NRXN1: variants seen among roughly 807,000 people sequenced by gnomAD.
NRXN1 encodes neurexin 1, also known as neurexin-1.
NRXN1 carries 39 observed loss-of-function variants against 150.9 expected under a neutral mutation model. The observed-to-expected ratio is 0.26, with a 90% confidence interval of 0.20 to 0.34. NRXN1 has a LOEUF of 0.34. NRXN1 is among the 10% of genes least tolerant of loss of function. The probability of loss-of-function intolerance (pLI) is 1.00; values close to 1 mark genes in which losing one functional copy is unlikely to be tolerated. For missense variants in NRXN1, 1,815 were observed against 1,949.9 expected (o/e 0.93, Z 1.30); for synonymous variants, 924 against 757.0 (o/e 1.22, Z -3.62).
intron 21 of NRXN1, among the ~76,000 whole-genome samples, chr2:49,976,010 C>A (rs912730221): frequency 7.3e-6 from 1 of 137,318 alleles, no homozygotes; most frequent in Non-Finnish European, 1.5e-5. Flanking sequence ...ATTGCATATG[C>A]GGAAGAATTT....
At position 50,926,552 on chromosome 2, in the gene NRXN1, T is replaced by G. The variant is rs150328967; in HGVS notation, c.773-597A>C. Among the ~76,000 whole-genome samples, 1,283 of 152,090 alleles carry G rather than the reference T, an allele frequency of 8.4e-3. 15 individuals are homozygous for G. Among genetic ancestry groups the G allele is most frequent in the Admixed American group, 0.015 (225 of 15,246 alleles). On this transcript the variant is annotated intron_variant, in intron 2 of 22. Transcript: ENST00000401669. ...AATTTATAGCATATTAATATTGTAT[T>G]GCAAATGAGAATAGTTTATTGGAAT...
chr2:50,965,617 TC>T (rs1473522181), intron 2 of NRXN1, among the ~76,000 whole-genome samples: 11 of 151,560 alleles, frequency 7.3e-5, no homozygotes, highest in African/African-American at 2.7e-4. Flanking sequence ...TTTTGCTTTT[TC>T]TATAATTTCA....
chr2:50,314,491 G>C (rs1317052580), intron 17 of NRXN1, among the ~76,000 whole-genome samples: 1 of 151,494 alleles, frequency 6.6e-6, no homozygotes, highest in African/African-American at 2.4e-5. Context: ...CACTCAAAAG[G>C]CCAGAAGAGC....
At position 49,975,098 on chromosome 2, in the gene NRXN1, A is replaced by G. The variant is rs115241997; in HGVS notation, c.4129-31307T>C. 9.9e-3 allele frequency among the ~76,000 whole-genome samples: 1,486 copies of G among 150,352 alleles called. 24 individuals are homozygous for G. Among genetic ancestry groups the G allele is most frequent in the African/African-American group, 0.034 (1,403 of 41,190 alleles). ...GTGAGATGATTATATATAGTTATAT[A>G]TACATATACATACAATTATATATTA... On this transcript the variant is annotated intron_variant, in intron 21 of 22. Coordinates refer to ENST00000401669, the MANE Select transcript of NRXN1 (RefSeq NM_001330078.2).
intron 17 of NRXN1, among the ~76,000 whole-genome samples, chr2:50,247,182 TTCTGATAAGAAAAA>T (rs2066579655): frequency 5.3e-5 from 8 of 152,092 alleles, no homozygotes; most frequent in African/African-American, 1.9e-4. Context: ...GCCTAAATTA[TTCTGATAAGAAAAA>T]ACATGGTCGA....
At chr2:50,757,327 G>C (rs1243616105) in intron 5 of NRXN1, among the ~76,000 whole-genome samples, 8 of 151,710 alleles carry the variant, frequency 5.3e-5, no homozygotes, top group Non-Finnish European at 7.4e-5. Context: ...TAAGAGTGTA[G>C]GAAACAAAGA....
At chr2:50,811,857 A>G (rs2105767110) in intron 5 of NRXN1, among the ~76,000 whole-genome samples, 1 of 152,306 alleles carries the variant, frequency 6.6e-6, no homozygotes, top group South Asian at 2.1e-4. Flanking sequence ...ACAATTCCAA[A>G]AAGAATCTGT....
intron 9 of NRXN1, chr2:50,548,340 G>C (rs1346041363): frequency 6.6e-6 from 1 of 152,094 alleles, no homozygotes; most frequent in Non-Finnish European, 1.5e-5. Flanking sequence ...TTTCTCAGTG[G>C]CTTATTTCAA....
At chr2:50,226,599 A>G (rs1174239803) in intron 18 of NRXN1, among the ~76,000 whole-genome samples, 2 of 151,976 alleles carry the variant, frequency 1.3e-5, no homozygotes. Context: ...GGAGTAGCTG[A>G]AGATGAGGCT....
In NRXN1 at chr2:50,777,692, T is replaced by C. The variant is rs915766968; in HGVS notation, c.832+144177A>G. Among the ~76,000 whole-genome samples the C allele has an allele frequency of 2.0e-5, 3 of 152,142 alleles. No individual in the cohort carries two copies. In the East Asian group the frequency reaches 5.8e-4, roughly 29 times the overall value. On this transcript the variant is annotated intron_variant, in intron 5 of 22. Coordinates refer to ENST00000401669, the MANE Select transcript of NRXN1 (RefSeq NM_001330078.2). ...CCATTGAGTAAAATATAAAAGAAAATACTGCACATCATCTAAATATCCTAA... is the reference window on the plus strand; with the variant it reads ...CCATTGAGTAAAATATAAAAGAAAACACTGCACATCATCTAAATATCCTAA...
chr2:50,649,022 T>C (rs2104540275), intron 5 of NRXN1, among the ~76,000 whole-genome samples: 1 of 152,086 alleles, frequency 6.6e-6, no homozygotes, highest in South Asian at 2.1e-4. Context: ...CAGATCCTAA[T>C]AGCTCTGAGC....
chr2:50,760,830 G>A (rs1423238229), intron 5 of NRXN1, among the ~76,000 whole-genome samples: 1 of 151,880 alleles, frequency 6.6e-6, no homozygotes, highest in Non-Finnish European at 1.5e-5. Flanking sequence ...GTAATGTGAT[G>A]AGTCCTTCCA....
At chr2:50,940,615 T>C (rs189177838) in intron 2 of NRXN1, among the ~76,000 whole-genome samples, 169 of 152,256 alleles carry the variant, frequency 1.1e-3, no homozygotes, top group African/African-American at 4.0e-3. Flanking sequence ...AGAAGCAGAC[T>C]TCAGATAACA....
At chr2:51,003,649 G>C (rs1352127762) in intron 2 of NRXN1, among the ~76,000 whole-genome samples, 1 of 151,970 alleles carries the variant, frequency 6.6e-6, no homozygotes, top group African/African-American at 2.4e-5. Flanking sequence ...CATGTATGTA[G>C]CTTATTTGCC....
intron 17 of NRXN1, among the ~76,000 whole-genome samples, chr2:50,416,671 G>A (rs896572855): frequency 1.3e-5 from 2 of 152,036 alleles, no homozygotes; most frequent in African/African-American, 2.4e-5. Flanking sequence ...AGGCAGAAGG[G>A]GAAGCAAACA....
chr2:50,759,628 T>A (rs1701562182), intron 5 of NRXN1, among the ~76,000 whole-genome samples: 1 of 151,916 alleles, frequency 6.6e-6, no homozygotes, highest in African/African-American at 2.4e-5. Context: ...ATTAAAGGGC[T>A]GATATGTCAG....
chr2:50,248,215 A>G (rs1375522732), intron 17 of NRXN1, among the ~76,000 whole-genome samples: 2 of 152,160 alleles, frequency 1.3e-5, no homozygotes, highest in East Asian at 3.9e-4. Flanking sequence ...AGGTCTCACT[A>G]TGTTTCCCAG....
chr2:50,994,127 C>T (rs1301130747), intron 2 of NRXN1, among the ~76,000 whole-genome samples: 1 of 151,966 alleles, frequency 6.6e-6, no homozygotes, highest in Non-Finnish European at 1.5e-5. Context: ...TCTCTATTCA[C>T]AGATGAGAAT....
chr2:50,290,717 A>C (rs1294724181), intron 17 of NRXN1, among the ~76,000 whole-genome samples: 2 of 152,180 alleles, frequency 1.3e-5, no homozygotes, highest in African/African-American at 4.8e-5. Context: ...CTTTGGAGTT[A>C]GAATGCTGGT....
Sources: allele counts gnomAD v4.1 joint callset (sites outside exome capture counted in the v4.1 genomes callset), GRCh38; gene constraint gnomAD v4.1.1; transcripts MANE v1.5; gene names NCBI Gene and HGNC (gene_info 2026-07-23, HGNC 2026-07-21).